SYTL3: variants seen among roughly 807,000 people sequenced by gnomAD.
The protein encoded by SYTL3 is synaptotagmin like 3.
SYTL3 carries 88 observed loss-of-function variants against 82.1 expected under a neutral mutation model. The ratio of observed to expected loss-of-function variants is 1.07; its 90% CI spans 0.90 to 1.28. The LOEUF is 1.28. Among genes scored for constraint, SYTL3 ranks in the 50% most tolerant of loss-of-function variants. The pLI is 0.00. For missense variants in SYTL3, 831 were observed against 757.6 expected (o/e 1.10, Z -1.14); for synonymous variants, 311 against 289.4 (o/e 1.07, Z -0.76).
chr6:158,708,947 A>G (rs1782440041), intron 8 of SYTL3, among the ~76,000 whole-genome samples: 2 of 152,182 alleles, frequency 1.3e-5, no homozygotes, highest in Non-Finnish European at 2.9e-5. Flanking sequence ...AAAATACTGT[A>G]AGTCAAAAAT....
intron 5 of SYTL3, among the ~76,000 whole-genome samples, chr6:158,682,358 T>TC (rs1231464043): frequency 7.2e-6 from 1 of 139,284 alleles, no homozygotes; most frequent in African/African-American, 2.8e-5. Flanking sequence ...ACATTCACTT[T>TC]TTTTTTTTTT....
chr6:158,686,948 T>C (rs1779361961), intron 6 of SYTL3, among the ~76,000 whole-genome samples: 1 of 152,222 alleles, frequency 6.6e-6, no homozygotes, highest in Non-Finnish European at 1.5e-5. Flanking sequence ...AATTCTCTGA[T>C]GTGTTCCGGA....
At chr6:158,743,688 C>T (rs937680904) in intron 11 of SYTL3, among the ~76,000 whole-genome samples, 15 of 145,220 alleles carry the variant, frequency 1.0e-4, no homozygotes, top group Non-Finnish European at 2.1e-4. Context: ...TCAAGTGATC[C>T]GCCTGCCTCT....
chr6:158,728,060 TAATA>T (rs1197554348), intron 11 of SYTL3, among the ~76,000 whole-genome samples: 1 of 152,226 alleles, frequency 6.6e-6, no homozygotes, highest in African/African-American at 2.4e-5. Context: ...ATGGGAGTAA[TAATA>T]AATATTGGTG....
At position 158,751,967 on chromosome 6, in the gene SYTL3, G is replaced by C. The variant is rs1448936652; in HGVS notation, c.1074G>C (p.Gln358His). ...ACCTGTTGCCCGACAGATCCTCCCAGGGAAAGCGCAAGACTGGAGTCCAAA... is the reference window on the plus strand; with the variant it reads ...ACCTGTTGCCCGACAGATCCTCCCACGGAAAGCGCAAGACTGGAGTCCAAA... ...KTYLLPDRSS[Q>H]GKRKTGVQRN... The change falls in exon 13 of 18, where the codon CAG (glutamine) becomes CAC (histidine). Residue 358 changes from glutamine (Q) to histidine (H), a missense_variant. Coordinates refer to ENST00000611299, the MANE Select transcript of SYTL3 (RefSeq NM_001242394.2). 6.2e-7 allele frequency: 1 copy of C among 1,602,798 alleles called. No homozygotes were observed. The highest frequency in any genetic ancestry group is 8.5e-7 in the Non-Finnish European group (1 of 1,175,186).
Position 158,733,375 on chromosome 6 carries a change from T to C in SYTL3, c.855+7738T>C, listed in dbSNP as rs147453287. Among the ~76,000 whole-genome samples, 1,363 of 152,226 alleles carry C rather than the reference T, an allele frequency of 9.0e-3. 13 individuals carry two copies. Among genetic ancestry groups the C allele is most frequent in the African/African-American group, 0.03 (1,257 of 41,538 alleles). ...AGAGTCTTGCTCTGTCACCAAGGCTTGAGTGCAGTGGCCCAACCTCAGTTC... is the reference window on the plus strand; with the variant it reads ...AGAGTCTTGCTCTGTCACCAAGGCTCGAGTGCAGTGGCCCAACCTCAGTTC... On this transcript the variant is annotated intron_variant, in intron 11 of 17. Transcript: ENST00000611299.
At chr6:158,666,414 G>A (rs189099802) in intron 5 of SYTL3, among the ~76,000 whole-genome samples, 10 of 152,208 alleles carry the variant, frequency 6.6e-5, no homozygotes, top group East Asian at 1.9e-4. Context: ...GTGTTTTTGC[G>A]TTCCCCATTC....
chr6:158,710,336 C>T (rs1451833649), intron 8 of SYTL3, among the ~76,000 whole-genome samples: 4 of 152,072 alleles, frequency 2.6e-5, no homozygotes, highest in South Asian at 2.1e-4. Context: ...GATCAAAAAC[C>T]GCCATGGGTC....
chr6:158,764,286 G>A (rs553659229), intron 17 of SYTL3, among the ~76,000 whole-genome samples: 3 of 152,280 alleles, frequency 2.0e-5, no homozygotes, highest in African/African-American at 4.8e-5. Flanking sequence ...TTAGAGCCTC[G>A]CAGAGCAGAG....
rs149940898 is a variant in SYTL3 at position 158,665,394 on chromosome 6, G to A, written c.111-1G>A. 3.2e-6 allele frequency: 5 copies of A among 1,579,676 alleles called. No homozygotes were observed. In the African/African-American group the frequency reaches 5.4e-5, roughly 17 times the overall value. On this transcript the variant is annotated splice_acceptor_variant, in intron 4 of 17. Transcript: ENST00000611299. LOFTEE classifies it high-confidence loss of function. ...ATCTTCTTTAACTCTGAGGGCTGCA[G>A]GAAACTGAAAACACACCTGCAGCAT...
chr6:158,693,863 T>TTTTTTTTTTTTTTTTTTTTTTTTTC (rs1780266277), intron 6 of SYTL3, among the ~76,000 whole-genome samples: 1 of 129,226 alleles, frequency 7.7e-6, no homozygotes, highest in Non-Finnish European at 1.6e-5. Context: ...TTCTTTTTTT[T>TTTTTTTTTTTTTTTTTTTTTTTTTC]TTTTTTTTTT....
At chr6:158,678,464 C>T (rs185482703) in intron 5 of SYTL3, among the ~76,000 whole-genome samples, 75 of 152,278 alleles carry the variant, frequency 4.9e-4, no homozygotes, top group Non-Finnish European at 8.4e-4. Flanking sequence ...CATTACAACA[C>T]GTGTGTTTGG....
intron 6 of SYTL3, among the ~76,000 whole-genome samples, chr6:158,701,317 TGTA>T (rs2128441883): frequency 2.1e-4 from 7 of 33,380 alleles, no homozygotes; most frequent in African/African-American, 7.9e-4. Flanking sequence ...TGAGCTGGGG[TGTA>T]GATGAAGGAG....
intron 12 of SYTL3, among the ~76,000 whole-genome samples, chr6:158,746,092 C>A (rs953183883): frequency 6.6e-6 from 1 of 151,912 alleles, no homozygotes; most frequent in Non-Finnish European, 1.5e-5. Context: ...TTGTGTCCTC[C>A]CATGGTAGAA....
intron 12 of SYTL3, among the ~76,000 whole-genome samples, chr6:158,750,258 G>A (rs959286710): frequency 1.3e-5 from 2 of 152,108 alleles, no homozygotes; most frequent in Admixed American, 6.6e-5. Context: ...AAAACCAAGG[G>A]GGTGATAAAT....
rs533896572 is a variant in SYTL3, at chr6:158,718,282, T to C, written c.720+71T>C. The C allele has an allele frequency of 9.8e-6, 13 of 1,326,394 alleles. No individual in the cohort carries two copies. In the South Asian group the frequency reaches 2.7e-4, roughly 27 times the overall value. 82.2% of individuals were successfully genotyped at this position (1,326,394 alleles called of 1,614,324 possible). On this transcript the variant is annotated intron_variant, in intron 10 of 17. Coordinates refer to ENST00000611299, the MANE Select transcript of SYTL3 (RefSeq NM_001242394.2). ...GTCTTCCAGAACTTTCTAGCCTGCC[T>C]TCTCTGTAGATTTATGTTTTCTTTG...
At chr6:158,648,604 A>ATAATAAT (rs34626338), upstream of SYTL3, among the ~76,000 whole-genome samples, 1 of 137,398 alleles carries the variant, frequency 7.3e-6, no homozygotes, top group Non-Finnish European at 1.5e-5. Context: ...AAAAAAAAAA[A>ATAATAAT]AAAAATAATA....
intron 11 of SYTL3, among the ~76,000 whole-genome samples, chr6:158,730,273 C>T (rs1432971827): frequency 3.3e-5 from 5 of 152,218 alleles, no homozygotes; most frequent in African/African-American, 7.2e-5. Flanking sequence ...AACACAGCAG[C>T]GGGGACAAGC....
At chr6:158,732,003 C>T (rs1288571626) in intron 11 of SYTL3, among the ~76,000 whole-genome samples, 12 of 152,210 alleles carry the variant, frequency 7.9e-5, no homozygotes, top group Non-Finnish European at 1.3e-4. Flanking sequence ...AAAAATATCT[C>T]TGTCCCTCTT....
Sources: gnomAD v4.1 joint callset for allele counts (sites outside exome capture counted in the v4.1 genomes callset) on GRCh38, gnomAD v4.1.1 for gene constraint, MANE v1.5 for transcripts, NCBI Gene and HGNC (gene_info 2026-07-23, HGNC 2026-07-21) for gene names.